Variants in GRM7 observed in about 807,000 individuals in gnomAD.
GRM7 encodes glutamate metabotropic receptor 7, also known as metabotropic glutamate receptor 7.
A neutral mutation model predicts 84.5 loss-of-function variants in GRM7; 35 were observed. The ratio of observed to expected loss-of-function variants is 0.41; its 90% confidence interval spans 0.32 to 0.55. GRM7 has a LOEUF of 0.55. Among genes scored for constraint, GRM7 ranks in the 20% least tolerant of loss-of-function variants. The pLI is 0.19. For synonymous variants in GRM7, 487 were observed against 455.1 expected, an observed-to-expected ratio of 1.07 and a Z score of -0.89; for missense variants, 1,003 against 1,194.6, an observed-to-expected ratio of 0.84 and a Z score of 2.36.
At chr3:7,711,456 T>C (rs548959358) in intron 9 of GRM7, among the ~76,000 whole-genome samples, 26 of 152,244 alleles carry the variant, frequency 1.7e-4, no homozygotes, top group Non-Finnish European at 3.7e-4. Context: ...AGAATTGCAG[T>C]TAGAAACTGG....
chr3:6,910,629 G>A (rs1696735311), intron 1 of GRM7, among the ~76,000 whole-genome samples: 1 of 152,102 alleles, frequency 6.6e-6, no homozygotes, highest in Admixed American at 6.6e-5. Context: ...TTGTACACAT[G>A]TAGGCCTGGC....
chr3:6,881,637 C>T (rs185884073), intron 1 of GRM7, among the ~76,000 whole-genome samples: 43 of 151,508 alleles, frequency 2.8e-4, no homozygotes, highest in Admixed American at 1.6e-3. Context: ...AGGACATGAA[C>T]AGATACTTCT....
intron 7 of GRM7, among the ~76,000 whole-genome samples, chr3:7,499,215 G>A (rs1217277461): frequency 6.6e-6 from 1 of 152,076 alleles, no homozygotes; most frequent in East Asian, 1.9e-4. Context: ...CTTCTTTTCT[G>A]GCACTTGCAG....
intron 5 of GRM7, among the ~76,000 whole-genome samples, chr3:7,417,791 G>GGGT (rs1423106649): frequency 4.6e-5 from 7 of 151,854 alleles, no homozygotes; most frequent in African/African-American, 1.7e-4. Flanking sequence ...CTTTTGGGCT[G>GGGT]GGTAGCCTCC....
Position 6,902,148 on chromosome 3 carries a change from C to A in GRM7, c.519+40241C>A, listed in dbSNP as rs377525421. ...TTCACTTCAACCAGACCACCCTGTTCCTAACCTAACCTCCGGATTAATGTC... is the reference window on the plus strand; with the variant it reads ...TTCACTTCAACCAGACCACCCTGTTACTAACCTAACCTCCGGATTAATGTC... On this transcript the variant is annotated intron_variant, in intron 1 of 9. Transcript: ENST00000357716. Among the ~76,000 whole-genome samples, 3 of 152,244 alleles carry A rather than the reference C, an allele frequency of 2.0e-5. No individual in the cohort carries two copies. The East Asian group carries it at 5.8e-4, about 29-fold the overall frequency.
intron 4 of GRM7, among the ~76,000 whole-genome samples, chr3:7,357,576 T>A (rs1310792708): frequency 3.3e-5 from 5 of 152,138 alleles, no homozygotes; most frequent in African/African-American, 7.2e-5. Flanking sequence ...AGCTGGGCTA[T>A]TTTAAAACAA....
chr3:7,629,821 T>C (rs1434327804), intron 8 of GRM7, among the ~76,000 whole-genome samples: 3 of 152,222 alleles, frequency 2.0e-5, no homozygotes, highest in Non-Finnish European at 2.9e-5. Flanking sequence ...CCAAGTTTTT[T>C]TTAAATCTCC....
intron 7 of GRM7, among the ~76,000 whole-genome samples, chr3:7,531,882 G>T (rs2125005289): frequency 6.6e-6 from 1 of 152,218 alleles, no homozygotes; most frequent in East Asian, 1.9e-4. Flanking sequence ...GTCTTGTGCT[G>T]ATTTTCAAAG....
intron 8 of GRM7, among the ~76,000 whole-genome samples, chr3:7,642,749 T>G (rs1698421668): frequency 6.6e-6 from 1 of 152,164 alleles, no homozygotes; most frequent in African/African-American, 2.4e-5. Context: ...ATGTTGATCC[T>G]CACAGCCAAA....
chr3:7,444,104 T>C (rs1483347045), intron 5 of GRM7, among the ~76,000 whole-genome samples: 1 of 152,184 alleles, frequency 6.6e-6, no homozygotes, highest in Admixed American at 6.6e-5. Context: ...TTGCACAGAT[T>C]CGTTTTTCAT....
chr3:7,027,224 C>T (rs1696015539), intron 1 of GRM7, among the ~76,000 whole-genome samples: 1 of 152,106 alleles, frequency 6.6e-6, no homozygotes, highest in South Asian at 2.1e-4. Flanking sequence ...TGCTAGGGAC[C>T]ACAAACTGCT....
At chr3:7,284,925 A>T (rs1317017904) in intron 2 of GRM7, among the ~76,000 whole-genome samples, 2 of 152,196 alleles carry the variant, frequency 1.3e-5, no homozygotes, top group African/African-American at 4.8e-5. Flanking sequence ...AATAAAAATG[A>T]TGCTAATTTG....
At chr3:7,250,501 A>G (rs572977572) in intron 2 of GRM7, among the ~76,000 whole-genome samples, 6 of 147,102 alleles carry the variant, frequency 4.1e-5, no homozygotes, top group Non-Finnish European at 9.0e-5. Flanking sequence ...ATTTTTATTT[A>G]TATTTGTTTA....
chr3:7,712,004 G>A (rs1206405098), intron 9 of GRM7, among the ~76,000 whole-genome samples: 1 of 152,188 alleles, frequency 6.6e-6, no homozygotes, highest in African/African-American at 2.4e-5. Context: ...ACATATGACT[G>A]AGCCACAGCA....
chr3:7,419,647 T>C (rs772548104), intron 5 of GRM7, among the ~76,000 whole-genome samples: 1 of 152,184 alleles, frequency 6.6e-6, no homozygotes, highest in African/African-American at 2.4e-5. Context: ...CAGTCATAAC[T>C]CGTGACTTAC....
At chr3:7,358,092 C>T (rs1693489848) in intron 4 of GRM7, among the ~76,000 whole-genome samples, 1 of 152,090 alleles carries the variant, frequency 6.6e-6, no homozygotes, top group Non-Finnish European at 1.5e-5. Flanking sequence ...TCTAAGAATA[C>T]ACATGACAAA....
At chr3:7,539,876 G>A (rs1202684613) in intron 7 of GRM7, among the ~76,000 whole-genome samples, 1 of 152,068 alleles carries the variant, frequency 6.6e-6, no homozygotes, top group African/African-American at 2.4e-5. Flanking sequence ...AAAATATTGT[G>A]TGTATGTCTG....
At chr3:7,527,016 T>G (rs1384160560) in intron 7 of GRM7, among the ~76,000 whole-genome samples, 2 of 152,200 alleles carry the variant, frequency 1.3e-5, no homozygotes, top group Middle Eastern at 3.4e-3. Flanking sequence ...TGTGGCTCTT[T>G]TTAGTTCTAT....
At chr3:6,972,527 C>T (rs1693799726) in intron 1 of GRM7, among the ~76,000 whole-genome samples, 1 of 152,128 alleles carries the variant, frequency 6.6e-6, no homozygotes, top group South Asian at 2.1e-4. Context: ...TGTGTATCGT[C>T]CATTGCTGGT....
Sources: gnomAD v4.1 joint callset for allele counts (sites outside exome capture counted in the v4.1 genomes callset) on GRCh38, gnomAD v4.1.1 for gene constraint, MANE v1.5 for transcripts, NCBI Gene and HGNC (gene_info 2026-07-23, HGNC 2026-07-21) for gene names.